Variants in CAMTA1 observed in about 807,000 individuals in gnomAD.
The protein encoded by CAMTA1 is calmodulin binding transcription activator 1.
CAMTA1 carries 27 observed loss-of-function variants against 170.9 expected under a neutral mutation model. The observed-to-expected ratio is 0.16, with a 90% CI of 0.12 to 0.22. CAMTA1 has a LOEUF of 0.22. CAMTA1 is among the 10% of genes least tolerant of loss of function. The pLI, the probability that CAMTA1 is intolerant of heterozygous loss-of-function variation, is 1.00. For synonymous variants in CAMTA1, 833 were observed against 891.5 expected (o/e 0.93, Z 1.17); for missense variants, 1,619 against 2,217.2 (o/e 0.73, Z 5.42).
At chr1:7,383,040 C>T (rs1021920719) in intron 5 of CAMTA1, among the ~76,000 whole-genome samples, 8 of 152,192 alleles carry the variant, frequency 5.3e-5, no homozygotes, top group African/African-American at 1.9e-4. Context: ...ACCAGACCAT[C>T]TCCATGCTTG....
At chr1:6,877,794 A>G (rs556801380) in intron 3 of CAMTA1, among the ~76,000 whole-genome samples, 4 of 152,200 alleles carry the variant, frequency 2.6e-5, no homozygotes, top group Non-Finnish European at 4.4e-5. Context: ...AGCCTTTCGT[A>G]TTTCCAAAGG....
At chr1:7,758,789 G>T (rs1343985095) in intron 22 of CAMTA1, among the ~76,000 whole-genome samples, 1 of 151,994 alleles carries the variant, frequency 6.6e-6, no homozygotes, top group Non-Finnish European at 1.5e-5. Context: ...CAAAAAATTA[G>T]CCGGTTGCGG....
chr1:7,614,777 C>G lies in CAMTA1; in HGVS notation c.511-25623C>G, dbSNP rs570035588. Among the ~76,000 whole-genome samples, 29 of 152,306 alleles carry G rather than the reference C, an allele frequency of 1.9e-4. 1 individual carries two copies. In the South Asian group the frequency reaches 6.0e-3, roughly 32 times the overall value. ...CAAATCAGGCTCATCTGATGGGCCCCCAGCCCCGCTGCTCCCACCTCCCGA... is the reference window on the plus strand; with the variant it reads ...CAAATCAGGCTCATCTGATGGGCCCGCAGCCCCGCTGCTCCCACCTCCCGA... On this transcript the variant is annotated intron_variant, in intron 6 of 22. Transcript: ENST00000303635.
intron 6 of CAMTA1, among the ~76,000 whole-genome samples, chr1:7,553,255 ATGAATGAGTGAATAAT>A (rs2150197597): frequency 9.0e-6 from 1 of 111,388 alleles, no homozygotes; most frequent in African/African-American, 4.4e-5. Flanking sequence ...GAGGGAATGA[ATGAATGAGTGAATAAT>A]TGAGTGAGTG....
intron 4 of CAMTA1, among the ~76,000 whole-genome samples, chr1:7,221,930 C>G (rs866613226): frequency 1.5e-5 from 2 of 135,598 alleles, no homozygotes; most frequent in South Asian, 2.3e-4. Context: ...CACACACATA[C>G]ACACACACAC....
chr1:7,082,224 G>A (rs1640108607), intron 3 of CAMTA1, among the ~76,000 whole-genome samples: 1 of 152,080 alleles, frequency 6.6e-6, no homozygotes, highest in African/African-American at 2.4e-5. Context: ...GATCTCTTGA[G>A]GTCAGGAGTT....
At chr1:6,818,163 C>A (rs1395551786) in intron 1 of CAMTA1, among the ~76,000 whole-genome samples, 1 of 152,016 alleles carries the variant, frequency 6.6e-6, no homozygotes, top group Non-Finnish European at 1.5e-5. Context: ...ATGGTGAAAC[C>A]CCATCTCTAC....
At chr1:7,318,943 G>C (rs1433842603) in intron 5 of CAMTA1, among the ~76,000 whole-genome samples, 2 of 152,330 alleles carry the variant, frequency 1.3e-5, no homozygotes, top group Admixed American at 6.5e-5. Context: ...GCACGAAATC[G>C]TGTGTGTTGG....
chr1:6,902,372 T>C (rs903291316), intron 3 of CAMTA1, among the ~76,000 whole-genome samples: 3 of 152,306 alleles, frequency 2.0e-5, no homozygotes, highest in Non-Finnish European at 4.4e-5. Flanking sequence ...ATTGGAGTAC[T>C]ACTCACAGTG....
At chr1:7,214,055 G>C (rs533921093) in intron 4 of CAMTA1, among the ~76,000 whole-genome samples, 1 of 152,134 alleles carries the variant, frequency 6.6e-6, no homozygotes, top group African/African-American at 2.4e-5. Context: ...TGTGAATAGT[G>C]CCACAATAAA....
chr1:7,542,143 A>T (rs1187472171), intron 6 of CAMTA1, among the ~76,000 whole-genome samples: 1 of 152,202 alleles, frequency 6.6e-6, no homozygotes, highest in Non-Finnish European at 1.5e-5. Context: ...AATTAGGCGT[A>T]CTCATAGTAG....
intron 1 of CAMTA1, among the ~76,000 whole-genome samples, chr1:6,811,197 T>C (rs1007477407): frequency 6.6e-6 from 1 of 152,228 alleles, no homozygotes; most frequent in Non-Finnish European, 1.5e-5. Flanking sequence ...TCTTGCCTTA[T>C]GGTTTTGTTG....
At chr1:7,043,569 C>G (rs1704833363) in intron 3 of CAMTA1, among the ~76,000 whole-genome samples, 1 of 152,208 alleles carries the variant, frequency 6.6e-6, no homozygotes, top group Non-Finnish European at 1.5e-5. Context: ...ACATTTACCC[C>G]GTTGCAGAAT....
chr1:7,600,287 A>C (rs1296556707), intron 6 of CAMTA1, among the ~76,000 whole-genome samples: 3 of 150,714 alleles, frequency 2.0e-5, no homozygotes, highest in Non-Finnish European at 4.4e-5. Flanking sequence ...CCCAGGGATG[A>C]AGCCCAGTTG....
intron 11 of CAMTA1, among the ~76,000 whole-genome samples, chr1:7,697,976 C>G (rs922263679): frequency 3.8e-4 from 57 of 151,832 alleles, no homozygotes; most frequent in African/African-American, 1.4e-3. Context: ...CTCACACATG[C>G]AACTGCACTC....
chr1:6,942,598 G>T (rs1396544901), intron 3 of CAMTA1, among the ~76,000 whole-genome samples: 2 of 152,208 alleles, frequency 1.3e-5, no homozygotes, highest in African/African-American at 4.8e-5. Flanking sequence ...GATCAAGGTT[G>T]CAGTGAGCTA....
intron 6 of CAMTA1, among the ~76,000 whole-genome samples, chr1:7,531,301 A>T (rs2094490265): frequency 6.6e-6 from 1 of 152,004 alleles, no homozygotes; most frequent in Non-Finnish European, 1.5e-5. Context: ...AGAGTCTGTG[A>T]TGTTCTTACC....
At chr1:7,653,012 AGACCT>A (rs1361713689) in intron 7 of CAMTA1, among the ~76,000 whole-genome samples, 2 of 152,238 alleles carry the variant, frequency 1.3e-5, no homozygotes, top group Non-Finnish European at 2.9e-5. Context: ...TGTCATCTCT[AGACCT>A]GAGCTTCTCA....
At position 7,547,361 on chromosome 1, in the gene CAMTA1, C is replaced by G. The variant is rs2094709392; in HGVS notation, c.510+79460C>G. 6.7e-6 allele frequency among the ~76,000 whole-genome samples: 1 copy of G among 149,154 alleles called. No homozygotes were observed. The highest frequency in any genetic ancestry group is 1.5e-5 in the Non-Finnish European group (1 of 67,646). On this transcript the variant is annotated intron_variant, in intron 6 of 22. Coordinates refer to ENST00000303635, the MANE Select transcript of CAMTA1 (RefSeq NM_015215.4). This position sits in a 1 kb window ranked among gnomAD's most constrained non-coding sequence, Gnocchi z 5.7. ...TATGTATCATATGCACACACACACA[C>G]ACACACACACACACACACACACACA...
Sources: gnomAD v4.1 joint callset for allele counts (sites outside exome capture counted in the v4.1 genomes callset) on GRCh38, gnomAD v4.1.1 for gene constraint, Gnocchi (gnomAD v3.1) non-coding constraint, MANE v1.5 for transcripts, NCBI Gene and HGNC (gene_info 2026-07-23, HGNC 2026-07-21) for gene names.